Variants in NELL2 observed in about 807,000 individuals in gnomAD.
The protein encoded by NELL2 is protein kinase C-binding protein NELL2.
A neutral mutation model predicts 109.6 loss-of-function variants in NELL2; 41 were observed. The ratio of observed to expected loss-of-function variants is 0.37; its 90% CI spans 0.29 to 0.49. The LOEUF is 0.49. NELL2 is among the 20% of genes least tolerant of loss of function. The pLI is 0.98. For missense variants in NELL2, 900 were observed against 1,008.3 expected, an observed-to-expected ratio of 0.89 and a Z score of 1.45; for synonymous variants, 355 against 344.7, an observed-to-expected ratio of 1.03 and a Z score of -0.33.
intron 15 of NELL2, among the ~76,000 whole-genome samples, chr12:44,539,232 C>A (rs1365095907): frequency 6.6e-6 from 1 of 152,098 alleles, no homozygotes; most frequent in African/African-American, 2.4e-5. Flanking sequence ...AAATTCCTAC[C>A]TGTTTTTCTC....
chr12:44,865,914 G>A (rs1301883563), intron 2 of NELL2, among the ~76,000 whole-genome samples: 1 of 151,840 alleles, frequency 6.6e-6, no homozygotes, highest in Non-Finnish European at 1.5e-5. Flanking sequence ...TGGTTTAAGT[G>A]TATACGTCTT....
intron 9 of NELL2, among the ~76,000 whole-genome samples, chr12:44,731,681 C>G (rs1261848036): frequency 6.6e-6 from 1 of 152,066 alleles, no homozygotes; most frequent in Non-Finnish European, 1.5e-5. Flanking sequence ...TTACAATTAA[C>G]TACAAAGCAA....
intron 15 of NELL2, among the ~76,000 whole-genome samples, chr12:44,554,606 T>A (rs941631460): frequency 1.3e-5 from 2 of 152,316 alleles, no homozygotes; most frequent in Non-Finnish European, 2.9e-5. Context: ...TGGGGTTTAC[T>A]GTATGTCAAT....
chr12:44,814,524 A>G (rs1338791330), intron 3 of NELL2, among the ~76,000 whole-genome samples: 1 of 152,042 alleles, frequency 6.6e-6, no homozygotes, highest in African/African-American at 2.4e-5. Flanking sequence ...GCAACCAAAA[A>G]CAGACTGAAG....
rs144394293 is a variant in NELL2, at chr12:44,829,801, T to C, written c.185-13665A>G. ...CCATAGATAGTACCTGGTTATTTCT[T>C]AAACACACATATACTTAGCGTTTGC... On this transcript the variant is annotated intron_variant, in intron 2 of 19. Transcript: ENST00000429094. Among the ~76,000 whole-genome samples the C allele has an allele frequency of 5.3e-3, 803 of 152,126 alleles. 3 individuals are homozygous for C. The highest frequency in any genetic ancestry group is 0.014 in the Middle Eastern group (4 of 294).
chr12:44,520,975 TAAA>T (rs1361062110), intron 18 of NELL2, among the ~76,000 whole-genome samples: 1 of 152,192 alleles, frequency 6.6e-6, no homozygotes, highest in Non-Finnish European at 1.5e-5. Context: ...AGCTTTGCCT[TAAA>T]AATAACCTCA....
rs535663842 is a variant in NELL2 at position 44,659,934 on chromosome 12, C to T, written c.1444+5550G>A. Among the ~76,000 whole-genome samples the T allele has an allele frequency of 1.5e-3, 228 of 152,258 alleles. 1 individual carries two copies. The highest frequency in any genetic ancestry group is 2.2e-3 in the Non-Finnish European group (153 of 68,002). On this transcript the variant is annotated intron_variant, in intron 13 of 19. Transcript: ENST00000429094. ...ATCAGTAGAAAGTATATGGAGCATGCACCAGGATAGTGTAATTTGAGGGGC... is the reference window on the plus strand; with the variant it reads ...ATCAGTAGAAAGTATATGGAGCATGTACCAGGATAGTGTAATTTGAGGGGC...
intron 15 of NELL2, among the ~76,000 whole-genome samples, chr12:44,553,728 CAAAG>C (rs1373627662): frequency 2.0e-5 from 3 of 151,944 alleles, no homozygotes; most frequent in Non-Finnish European, 2.9e-5. Context: ...ATCAACGAAA[CAAAG>C]AGACAAAAAG....
At chr12:44,897,836 C>A (rs1258968764) in intron 1 of NELL2, among the ~76,000 whole-genome samples, 3 of 152,080 alleles carry the variant, frequency 2.0e-5, no homozygotes, top group African/African-American at 7.2e-5. Context: ...GATCCCACCC[C>A]TACAAAGCCC....
chr12:44,623,785 C>T (rs1946141033), intron 13 of NELL2, among the ~76,000 whole-genome samples: 1 of 152,078 alleles, frequency 6.6e-6, no homozygotes, highest in Non-Finnish European at 1.5e-5. Context: ...GACTGTTGCT[C>T]AGACATGAAT....
intron 13 of NELL2, among the ~76,000 whole-genome samples, chr12:44,662,925 C>A (rs1016763421): frequency 6.6e-6 from 1 of 152,118 alleles, no homozygotes; most frequent in Admixed American, 6.6e-5. Flanking sequence ...CAGGGACAGG[C>A]TCAGCAGTGA....
intron 13 of NELL2, among the ~76,000 whole-genome samples, chr12:44,624,643 T>G (rs896876765): frequency 2.0e-5 from 3 of 152,026 alleles, no homozygotes; most frequent in African/African-American, 7.2e-5. Context: ...AATATCCCTT[T>G]AAGGTAAAGT....
intron 1 of NELL2, among the ~76,000 whole-genome samples, chr12:44,899,678 C>T (rs1358768390): frequency 1.3e-5 from 2 of 151,850 alleles, no homozygotes; most frequent in Admixed American, 6.6e-5. Context: ...TGTAAAGCAT[C>T]GACACTATGA....
intron 19 of NELL2, among the ~76,000 whole-genome samples, chr12:44,511,992 C>G (rs960345332): frequency 6.6e-6 from 1 of 151,908 alleles, no homozygotes; most frequent in Admixed American, 6.6e-5. Context: ...GAGACTATAT[C>G]AAACTAAAAA....
At chr12:44,725,964 T>C (rs1939058846) in intron 9 of NELL2, among the ~76,000 whole-genome samples, 1 of 152,178 alleles carries the variant, frequency 6.6e-6, no homozygotes, top group African/African-American at 2.4e-5. Context: ...TATGTTTACC[T>C]ATGTAACAAA....
chr12:44,748,381 T>C (rs919910777), intron 9 of NELL2, among the ~76,000 whole-genome samples: 4 of 152,172 alleles, frequency 2.6e-5, no homozygotes, highest in African/African-American at 9.6e-5. Flanking sequence ...TTAATCTTTA[T>C]AGACAAGGAA....
chr12:44,709,453 CCT>C (rs567604622), intron 11 of NELL2, among the ~76,000 whole-genome samples: 53 of 152,262 alleles, frequency 3.5e-4, no homozygotes, highest in Non-Finnish European at 7.2e-4. Context: ...CCATCTTGAA[CCT>C]CTCAGCCAAG....
intron 2 of NELL2, among the ~76,000 whole-genome samples, chr12:44,846,945 C>G (rs1241777166): frequency 6.6e-6 from 1 of 152,220 alleles, no homozygotes; most frequent in Non-Finnish European, 1.5e-5. Context: ...TGTTCCGAAG[C>G]CAGTGTCAGC....
intron 13 of NELL2, among the ~76,000 whole-genome samples, chr12:44,650,178 T>G (rs1215388589): frequency 6.6e-6 from 1 of 152,182 alleles, no homozygotes; most frequent in East Asian, 1.9e-4. Context: ...TATAATATCT[T>G]GTTACCTCCT....
Sources: allele counts gnomAD v4.1 joint callset (sites outside exome capture counted in the v4.1 genomes callset), GRCh38; gene constraint gnomAD v4.1.1; transcripts MANE v1.5; gene names NCBI Gene and HGNC (gene_info 2026-07-23, HGNC 2026-07-21).